ARHGAP21: variants seen among roughly 807,000 people sequenced by gnomAD.
ARHGAP21 encodes the protein Rho GTPase activating protein 21.
In ARHGAP21, 38 loss-of-function variants were observed where a neutral mutation model predicts 164.6. The observed-to-expected ratio is 0.23, with a 90% CI of 0.18 to 0.30. The LOEUF (loss-of-function observed/expected upper bound fraction) is 0.30, where lower values mean the gene tolerates loss of function less well. ARHGAP21 is among the 10% of genes least tolerant of loss of function. The probability of loss-of-function intolerance (pLI) is 1.00; values close to 1 mark genes in which losing one functional copy is unlikely to be tolerated. For synonymous variants in ARHGAP21, 766 were observed against 857.9 expected (o/e 0.89, Z 1.87); for missense variants, 1,822 against 2,370.7 (o/e 0.77, Z 4.81).
chr10:24,604,062 TG>T, intron 12 of ARHGAP21, among the ~76,000 whole-genome samples: 1 of 82,616 alleles, frequency 1.2e-5, no homozygotes, highest in Non-Finnish European at 2.5e-5. Flanking sequence ...TGGGGGGTGT[TG>T]GGGGGAAGCC....
At chr10:24,693,232 T>A (rs1842890353) in intron 2 of ARHGAP21, among the ~76,000 whole-genome samples, 1 of 152,226 alleles carries the variant, frequency 6.6e-6, no homozygotes, top group Non-Finnish European at 1.5e-5. Context: ...TGTACTGCTA[T>A]ATTTCTATTT....
chr10:24,645,590 A>C (rs1837486398), intron 4 of ARHGAP21, among the ~76,000 whole-genome samples: 1 of 152,010 alleles, frequency 6.6e-6, no homozygotes, highest in Non-Finnish European at 1.5e-5. Context: ...TCTCAGAAAA[A>C]AAAAAAAAAA....
intron 4 of ARHGAP21, among the ~76,000 whole-genome samples, chr10:24,660,386 T>TTAAAA (rs1839551963): frequency 1.7e-5 from 1 of 60,092 alleles, no homozygotes; most frequent in African/African-American, 6.2e-5. Flanking sequence ...CTCTCTCTCT[T>TTAAAA]AAAAAAAAAA....
intron 4 of ARHGAP21, among the ~76,000 whole-genome samples, chr10:24,655,352 A>G (rs1458825908): frequency 1.3e-5 from 2 of 152,240 alleles, no homozygotes; most frequent in Non-Finnish European, 1.5e-5. Context: ...AATGGGAGGA[A>G]ATTTTTACAA....
chr10:24,656,147 C>T (rs562019533), intron 4 of ARHGAP21, among the ~76,000 whole-genome samples: 72 of 136,154 alleles, frequency 5.3e-4, no homozygotes, highest in African/African-American at 1.4e-3. Context: ...GCAGCCACCC[C>T]GTCCGGGAGG....
intron 2 of ARHGAP21, among the ~76,000 whole-genome samples, chr10:24,704,225 C>T (rs898561367): frequency 1.2e-4 from 18 of 151,676 alleles, no homozygotes; most frequent in African/African-American, 4.1e-4. Context: ...AGTGGTGACA[C>T]AGAAGCCACA....
intron 2 of ARHGAP21, among the ~76,000 whole-genome samples, chr10:24,693,447 T>C (rs1225568491): frequency 6.6e-6 from 1 of 152,004 alleles, no homozygotes; most frequent in Non-Finnish European, 1.5e-5. Flanking sequence ...GCCTCCCCGG[T>C]ACAAGCAATT....
At chr10:24,655,902 C>T (rs576892143) in intron 4 of ARHGAP21, among the ~76,000 whole-genome samples, 6 of 118,420 alleles carry the variant, frequency 5.1e-5, no homozygotes, top group South Asian at 3.2e-4. Context: ...TCTGCCCGGC[C>T]GAGACCCCGT....
intron 9 of ARHGAP21, among the ~76,000 whole-genome samples, chr10:24,615,638 A>G (rs1833866289): frequency 6.6e-6 from 1 of 152,236 alleles, no homozygotes; most frequent in Non-Finnish European, 1.5e-5. Flanking sequence ...GCTTCAGCAA[A>G]GTACTTAACT....
chr10:24,604,421 A>T, intron 11 of ARHGAP21, 73 bp from the exon 12 acceptor site: 2 of 1,012,848 alleles, frequency 2.0e-6, no homozygotes, highest in Non-Finnish European at 3.0e-6. Flanking sequence ...AATAATTTGA[A>T]TATTACAATT....
chr10:24,674,872 C>G (rs1841062966), intron 2 of ARHGAP21, among the ~76,000 whole-genome samples: 1 of 152,048 alleles, frequency 6.6e-6, no homozygotes, highest in Admixed American at 6.6e-5. Context: ...AATGGAAATG[C>G]AAACTAAAAC....
intron 2 of ARHGAP21, among the ~76,000 whole-genome samples, chr10:24,700,040 G>A (rs1429471161): frequency 6.6e-6 from 1 of 152,122 alleles, no homozygotes; most frequent in Non-Finnish European, 1.5e-5. Flanking sequence ...CTGAAGCTTA[G>A]GTCAATGGTT....
Position 24,596,748 on chromosome 10 carries a change from T to C in ARHGAP21, c.3469A>G (p.Thr1157Ala), listed in dbSNP as rs887171750. ...GGGCTGGTGTCTCCTACCCGATTAG[T>C]ATGAGCTGGTGGGCAGTCATCTAGT... ...VRLDDCPPAH[T>A]NRYIPLIVDI... is the part of the protein sequence containing the mutation. Residue 1157 changes from threonine (T) to alanine (A), a missense_variant, in exon 17 of 26, where the codon ACT becomes GCT. Physicochemically the swap from Thr to Ala is moderately conservative, Grantham distance 58 (BLOSUM62 0). Around this residue, in one of 5 missense-constraint regions of ARHGAP21, gnomAD observed 117 missense variants for 238.1 expected, o/e 0.49. Coordinates refer to ENST00000396432, the MANE Select transcript of ARHGAP21 (RefSeq NM_020824.4). The C allele has an allele frequency of 3.1e-6, 5 of 1,613,334 alleles. No homozygotes were observed. Among genetic ancestry groups the C allele is most frequent in the African/African-American group, 2.7e-5 (2 of 74,858 alleles).
At chr10:24,606,850 A>C (rs565672801) in intron 11 of ARHGAP21, among the ~76,000 whole-genome samples, 1 of 152,280 alleles carries the variant, frequency 6.6e-6, no homozygotes, top group African/African-American at 2.4e-5. Context: ...AAAATAAATA[A>C]ATTTTTAAAA....
chr10:24,587,310 T>G (rs1053841156), intron 25 of ARHGAP21, among the ~76,000 whole-genome samples: 7 of 152,078 alleles, frequency 4.6e-5, no homozygotes, highest in African/African-American at 1.7e-4. Context: ...TTGCAACTAT[T>G]AGTTTCTTCC....
intron 2 of ARHGAP21, among the ~76,000 whole-genome samples, chr10:24,707,913 TA>T (rs1715441797): frequency 6.6e-6 from 1 of 152,324 alleles, no homozygotes; most frequent in African/African-American, 2.4e-5. Context: ...AAGCACCTTT[TA>T]AACTAAAAGC....
chr10:24,615,131 A>T (rs1479352217), intron 9 of ARHGAP21, among the ~76,000 whole-genome samples: 2 of 152,216 alleles, frequency 1.3e-5, no homozygotes, highest in African/African-American at 4.8e-5. Flanking sequence ...CGGAGGTTGC[A>T]GTGAGCTGAG....
intron 2 of ARHGAP21, among the ~76,000 whole-genome samples, chr10:24,696,442 C>T (rs1343503554): frequency 1.3e-5 from 2 of 152,144 alleles, no homozygotes; most frequent in Non-Finnish European, 2.9e-5. Flanking sequence ...AGCCCGTTTT[C>T]GCCAATGAGT....
At position 24,612,708 on chromosome 10, in the gene ARHGAP21, A is replaced by T. The variant is rs560550324; in HGVS notation, c.2423-4805T>A. Among the ~76,000 whole-genome samples, 426 of 151,636 alleles carry T rather than the reference A, an allele frequency of 2.8e-3. 1 individual carries two copies. The highest frequency in any genetic ancestry group is 5.1e-3 in the Non-Finnish European group (345 of 67,886). ...TCTCTACTAAAAATACAAAAAAATT[A>T]GCCAGGTGTGGTGGCGGACGCCTAT... On this transcript the variant is annotated intron_variant, in intron 9 of 25. Transcript: ENST00000396432.
Sources: gnomAD v4.1 joint callset for allele counts (sites outside exome capture counted in the v4.1 genomes callset) on GRCh38, gnomAD v4.1.1 for gene constraint, gnomAD v4.1.1 regional missense constraint, MANE v1.5 for transcripts, NCBI Gene and HGNC (gene_info 2026-07-23, HGNC 2026-07-21) for gene names.